The following TERB2 variants were observed in gnomAD, a reference collection of about 807,000 sequenced individuals.
TERB2 encodes telomere repeats-binding bouquet formation protein 2.
In TERB2, 26 loss-of-function variants were observed where a neutral mutation model predicts 29.8. The ratio of observed to expected loss-of-function variants is 0.87; its 90% CI spans 0.64 to 1.21. The LOEUF (loss-of-function observed/expected upper bound fraction) is 1.21, where lower values mean the gene tolerates loss of function less well. Ranked by LOEUF, TERB2 falls within the 50% of genes most tolerant of loss-of-function variation. The probability of loss-of-function intolerance (pLI) is 0.00; values close to 1 mark genes in which losing one functional copy is unlikely to be tolerated. For missense variants in TERB2, 240 were observed against 268.6 expected (o/e 0.89, Z 0.74); for synonymous variants, 80 against 90.8 (o/e 0.88, Z 0.68).
chr15:44,976,517 GA>G (rs1566947403), intron 6 of TERB2, among the ~76,000 whole-genome samples: 1 of 152,038 alleles, frequency 6.6e-6, no homozygotes, highest in East Asian at 1.9e-4. Context: ...GCACGCCCAA[GA>G]AAAAAAGCCA....
chr15:44,963,769 C>A (rs1423594644), intron 4 of TERB2, among the ~76,000 whole-genome samples: 1 of 142,160 alleles, frequency 7.0e-6, no homozygotes, highest in African/African-American at 2.7e-5. Context: ...CTTTGTGAAT[C>A]TAGGTGAAAG....
At chr15:44,973,101 G>A (rs546326277) in intron 5 of TERB2, among the ~76,000 whole-genome samples, 5 of 151,928 alleles carry the variant, frequency 3.3e-5, no homozygotes, top group Middle Eastern at 3.4e-3. Flanking sequence ...GGCTGGTCTC[G>A]AACTCCTGAC....
At chr15:44,976,450 C>T (rs1264497599) in intron 6 of TERB2, among the ~76,000 whole-genome samples, 1 of 152,116 alleles carries the variant, frequency 6.6e-6, no homozygotes, top group Admixed American at 6.6e-5. Flanking sequence ...AAGGACCATC[C>T]ACAGCATGGT....
chr15:44,957,247 C>T (rs866547729), intron 2 of TERB2, among the ~76,000 whole-genome samples: 1 of 150,746 alleles, frequency 6.6e-6, no homozygotes, highest in African/African-American at 2.4e-5. Context: ...TAATAAAATA[C>T]AATAAAATAA....
At chr15:44,977,743 T>A (rs1003966137) in intron 6 of TERB2, among the ~76,000 whole-genome samples, 2 of 152,218 alleles carry the variant, frequency 1.3e-5, no homozygotes, top group African/African-American at 4.8e-5. Flanking sequence ...AATTCAGTCA[T>A]CCTTGAGCTC....
chr15:44,959,834 G>A (rs1203899474), intron 3 of TERB2, among the ~76,000 whole-genome samples: 1 of 152,156 alleles, frequency 6.6e-6, no homozygotes, highest in East Asian at 1.9e-4. Context: ...ACAGATTAAA[G>A]CTGAGTACAT....
At position 44,964,207 on chromosome 15, in the gene TERB2, C is replaced by G. The variant is rs184286418; in HGVS notation, c.349-1951C>G. On this transcript the variant is annotated intron_variant, in intron 4 of 6. Transcript: ENST00000340827. The stretch of plus-strand genomic sequence containing the variant: ...TTTTTATTTTATTTTTTTTAAACTT[C>G]AAACCCACAGCCATATCATATAGAA... Among the ~76,000 whole-genome samples the G allele has an allele frequency of 4.6e-5, 7 of 152,102 alleles. 1 individual carries two copies. The highest frequency in any genetic ancestry group is 1.4e-4 in the African/African-American group (6 of 41,510).
At chr15:44,962,743 A>C (rs183595639) in intron 4 of TERB2, 3 of 152,332 alleles carry the variant, frequency 2.0e-5, no homozygotes, top group African/African-American at 7.2e-5. Flanking sequence ...CAAAATCTTT[A>C]AGTAATAGCC....
intron 4 of TERB2, among the ~76,000 whole-genome samples, chr15:44,965,203 A>AG (rs1891866711): frequency 6.7e-6 from 1 of 148,494 alleles, no homozygotes; most frequent in South Asian, 2.1e-4. Flanking sequence ...AGGAAAAAAA[A>AG]GAAACTTCTT....
intron 5 of TERB2, 32 bp downstream of exon 5, chr15:44,966,275 A>T (rs763081707): frequency 1.5e-6 from 2 of 1,365,900 alleles, no homozygotes; most frequent in Non-Finnish European, 9.8e-7. Context: ...TTAATATTCA[A>T]TTCAATGTAG....
chr15:44,967,286 C>T (rs936284119), intron 5 of TERB2, among the ~76,000 whole-genome samples: 2 of 152,030 alleles, frequency 1.3e-5, no homozygotes, highest in Non-Finnish European at 2.9e-5. Context: ...CTGTTTTATC[C>T]CTCCAAACCT....
chr15:44,969,726 G>T (rs1034001480), intron 5 of TERB2, among the ~76,000 whole-genome samples: 5 of 151,244 alleles, frequency 3.3e-5, no homozygotes, highest in Non-Finnish European at 5.9e-5. Flanking sequence ...CCCAGGAGTT[G>T]AGGTTTGCAG....
chr15:44,972,227 G>C (rs750842328), intron 5 of TERB2, among the ~76,000 whole-genome samples: 4 of 151,836 alleles, frequency 2.6e-5, no homozygotes, highest in Non-Finnish European at 5.9e-5. Context: ...CTGACCTCAG[G>C]TGATCCACCC....
intron 5 of TERB2, among the ~76,000 whole-genome samples, chr15:44,969,827 T>A (rs67613153): frequency 0.17 from 25,127 of 150,884 alleles, 2,688 homozygotes; most frequent in East Asian, 0.34. Context: ...GTAGCATATA[T>A]CTGTTTCTTA....
chr15:44,977,139 A>C (rs1023933763), intron 6 of TERB2, among the ~76,000 whole-genome samples: 11 of 148,524 alleles, frequency 7.4e-5, no homozygotes, highest in Non-Finnish European at 1.3e-4. Flanking sequence ...AACCCTAAAA[A>C]CTTCAGACTG....
intron 4 of TERB2, among the ~76,000 whole-genome samples, chr15:44,962,273 C>T (rs113360757): frequency 0.018 from 2,745 of 151,426 alleles, 53 homozygotes; most frequent in South Asian, 0.086. Flanking sequence ...GCTCCGCCTC[C>T]CGGGTTCACG....
chr15:44,978,603 T>TA lies in TERB2; in HGVS notation c.644dup (p.Asn215LysfsTer10), dbSNP rs762976188. 12 of 1,597,728 alleles carry TA rather than the reference T, an allele frequency of 7.5e-6. No individual in the cohort carries two copies. In the South Asian group the frequency reaches 1.0e-4, roughly 14 times the overall value. On this transcript the variant is annotated frameshift_variant, in exon 7 of 7. Transcript: ENST00000340827. LOFTEE classifies it high-confidence loss of function. The stretch of plus-strand genomic sequence containing the variant: ...CAAAATGAAATTAATATGTCTGCTA[T>TA]AAAAAACAAATTGAAGAGGAAATAG...
At chr15:44,973,225 G>A (rs1891996965) in intron 5 of TERB2, among the ~76,000 whole-genome samples, 1 of 152,152 alleles carries the variant, frequency 6.6e-6, no homozygotes, top group African/African-American at 2.4e-5. Context: ...GGAAATACTA[G>A]TTAATAGATG....
chr15:44,963,317 T>A (rs1052694758), intron 4 of TERB2, among the ~76,000 whole-genome samples: 3 of 152,200 alleles, frequency 2.0e-5, no homozygotes, highest in African/African-American at 4.8e-5. Context: ...TATGATATAA[T>A]AAATACACAA....
Sources: allele counts gnomAD v4.1 joint callset (sites outside exome capture counted in the v4.1 genomes callset), GRCh38; gene constraint gnomAD v4.1.1; transcripts MANE v1.5; gene names NCBI Gene and HGNC (gene_info 2026-07-23, HGNC 2026-07-21).